The following ATP9A variants were observed in gnomAD, a reference collection of about 807,000 sequenced individuals.
The protein encoded by ATP9A is ATPase phospholipid transporting 9A, also known as probable phospholipid-transporting ATPase IIA.
Under a neutral mutation model 144.1 loss-of-function variants are expected in ATP9A, and 52 were observed. The observed-to-expected ratio is 0.36, with a 90% CI of 0.29 to 0.45. The LOEUF is 0.45. ATP9A is among the 20% of genes least tolerant of loss of function. ATP9A has a pLI of 1.00. For missense variants in ATP9A, 947 were observed against 1,392.7 expected (o/e 0.68, Z 5.09); for synonymous variants, 582 against 557.4 (o/e 1.04, Z -0.62).
intron 8 of ATP9A, 127 bp from the exon 9 acceptor site, chr20:51,689,266 G>A: frequency 1.2e-6 from 1 of 842,098 alleles, no homozygotes; most frequent in Non-Finnish European, 1.8e-6. Flanking sequence ...AGCCCAGTTT[G>A]GAAGCCGACG....
intron 14 of ATP9A, among the ~76,000 whole-genome samples, chr20:51,643,773 C>T (rs2077330279): frequency 6.6e-6 from 1 of 152,146 alleles, no homozygotes; most frequent in African/African-American, 2.4e-5. Flanking sequence ...TTCAATATAG[C>T]CCTGTTTTGT....
chr20:51,701,880 A>G (rs1282944629), intron 4 of ATP9A, among the ~76,000 whole-genome samples: 4 of 152,162 alleles, frequency 2.6e-5, no homozygotes, highest in African/African-American at 9.6e-5. Context: ...AAAAACACGT[A>G]GTTTGGCTGG....
chr20:51,653,711 C>T (rs572585364), intron 14 of ATP9A, among the ~76,000 whole-genome samples: 12 of 151,910 alleles, frequency 7.9e-5, no homozygotes, highest in African/African-American at 1.2e-4. Flanking sequence ...CGCTTGAACC[C>T]GGAAGGTGGA....
chr20:51,643,193 C>T (rs772465050), intron 14 of ATP9A, among the ~76,000 whole-genome samples: 4 of 152,174 alleles, frequency 2.6e-5, no homozygotes, highest in Non-Finnish European at 5.9e-5. Flanking sequence ...CCAGCACTAA[C>T]GAGCTTTGAG....
intron 4 of ATP9A, among the ~76,000 whole-genome samples, 155 bp downstream of exon 4, chr20:51,712,811 C>G (rs1337697798): frequency 2.0e-5 from 3 of 152,230 alleles, no homozygotes; most frequent in African/African-American, 7.2e-5. Flanking sequence ...TCATCCAGGG[C>G]AGATGGAGGC....
chr20:51,649,298 G>C (rs1031132337), intron 14 of ATP9A, among the ~76,000 whole-genome samples: 1 of 152,128 alleles, frequency 6.6e-6, no homozygotes, highest in African/African-American at 2.4e-5. Flanking sequence ...GGAGGAAAGT[G>C]GTATTGTGGG....
chr20:51,705,608 G>T (rs941253828), intron 4 of ATP9A, among the ~76,000 whole-genome samples: 2 of 152,136 alleles, frequency 1.3e-5, no homozygotes, highest in Non-Finnish European at 2.9e-5. Flanking sequence ...CTAATTGTCC[G>T]CTTGCTTCAT....
In ATP9A at chr20:51,611,689, C is replaced by G. The variant is rs1200038962; in HGVS notation, c.2572-1524G>C. Reference sequence around the variant, plus strand: ...TTTTGAAGAAGTCAGCTCATCCCGGCCAGCTTTTGTGTATGAGTCCAAGGA... The same window carrying G: ...TTTTGAAGAAGTCAGCTCATCCCGGGCAGCTTTTGTGTATGAGTCCAAGGA... On this transcript the variant is annotated intron_variant, in intron 23 of 27. Coordinates refer to ENST00000338821, the MANE Select transcript of ATP9A (RefSeq NM_006045.3). The surrounding 1 kb of genome is among the most constrained non-coding windows in gnomAD (Gnocchi z 4.2). 6.6e-6 allele frequency among the ~76,000 whole-genome samples: 1 copy of G among 152,288 alleles called. No individual in the cohort carries two copies. Among genetic ancestry groups the G allele is most frequent in the East Asian group, 1.9e-4 (1 of 5,184 alleles).
chr20:51,697,503 G>A (rs1189538836), intron 4 of ATP9A, 21 bp from the exon 5 acceptor site: 2 of 1,611,170 alleles, frequency 1.2e-6, no homozygotes, highest in Non-Finnish European at 1.7e-6. Context: ...GCAGGTTCAA[G>A]ATACATCACC....
rs184177140 is a variant in ATP9A at position 51,686,175 on chromosome 20, T to C, written c.799+2889A>G. ...GGTGGGAAATGAACAGTAAGAACAC[T>C]TGGACACAGGGTGGGGAACATCACA... On this transcript the variant is annotated intron_variant, in intron 9 of 27. Coordinates refer to ENST00000338821, the MANE Select transcript of ATP9A (RefSeq NM_006045.3). Among the ~76,000 whole-genome samples the C allele has an allele frequency of 3.6e-4, 54 of 152,028 alleles. No individual in the cohort carries two copies. In the East Asian group the frequency reaches 9.5e-3, roughly 27 times the overall value.
chr20:51,621,558 T>A (rs539111713), intron 19 of ATP9A, among the ~76,000 whole-genome samples: 113 of 152,310 alleles, frequency 7.4e-4, no homozygotes, highest in African/African-American at 2.5e-3. Context: ...TTGGTCAATG[T>A]CTGCCACAAG....
intron 5 of ATP9A, 46 bp from the exon 6 acceptor site, chr20:51,696,190 T>C (rs746642947): frequency 6.3e-7 from 1 of 1,592,302 alleles, no homozygotes; most frequent in South Asian, 1.1e-5. Context: ...AATGACCGTG[T>C]GCTGTGCGGT....
chr20:51,614,798 CA>C (rs2077196852), intron 22 of ATP9A, among the ~76,000 whole-genome samples: 1 of 152,036 alleles, frequency 6.6e-6, no homozygotes, highest in East Asian at 1.9e-4. Flanking sequence ...CTGAATGCTT[CA>C]AAAATGTCAC....
intron 18 of ATP9A, among the ~76,000 whole-genome samples, chr20:51,623,678 C>T (rs991074971): frequency 1.3e-5 from 2 of 151,460 alleles, no homozygotes; most frequent in Middle Eastern, 3.4e-3. Flanking sequence ...ATCCCAGCTA[C>T]TTGGGAGGCT....
intron 14 of ATP9A, among the ~76,000 whole-genome samples, chr20:51,650,439 C>G (rs898657500): frequency 6.6e-6 from 1 of 151,210 alleles, no homozygotes; most frequent in Non-Finnish European, 1.5e-5. Context: ...GAGGCCGAGG[C>G]AGGAGAATCA....
rs186349874 is a variant in ATP9A at position 51,617,239 on chromosome 20, C to T, written c.2415+251G>A. Reference sequence around the variant, plus strand: ...GGATTACAGGCGTGAGCCACCACACCGGGCCTAGAAACACTTTTTCTTTTT... The same window carrying T: ...GGATTACAGGCGTGAGCCACCACACTGGGCCTAGAAACACTTTTTCTTTTT... On this transcript the variant is annotated intron_variant, in intron 22 of 27. Coordinates refer to ENST00000338821, the MANE Select transcript of ATP9A (RefSeq NM_006045.3). Among the ~76,000 whole-genome samples the T allele has an allele frequency of 3.4e-4, 52 of 151,796 alleles. No individual in the cohort carries two copies. In the East Asian group the frequency reaches 7.0e-3, roughly 21 times the overall value.
At chr20:51,731,003 C>T (rs2077738581) in intron 1 of ATP9A, among the ~76,000 whole-genome samples, 1 of 151,530 alleles carries the variant, frequency 6.6e-6, no homozygotes, top group Non-Finnish European at 1.5e-5. Flanking sequence ...ACTCTCATCT[C>T]TATTAAAAAT....
At chr20:51,685,343 G>A (rs1161029742) in intron 9 of ATP9A, among the ~76,000 whole-genome samples, 1 of 152,142 alleles carries the variant, frequency 6.6e-6, no homozygotes, top group African/African-American at 2.4e-5. Flanking sequence ...GGTGGATCAT[G>A]AGGTCAGGAG....
At chr20:51,674,853 C>T (rs1185013564) in intron 10 of ATP9A, among the ~76,000 whole-genome samples, 2 of 152,118 alleles carry the variant, frequency 1.3e-5, no homozygotes, top group African/African-American at 4.8e-5. Context: ...GATGGAGTCT[C>T]GCTTTGTCAC....
Sources: gnomAD v4.1 joint callset for allele counts (sites outside exome capture counted in the v4.1 genomes callset) on GRCh38, gnomAD v4.1.1 for gene constraint, Gnocchi (gnomAD v3.1) non-coding constraint, MANE v1.5 for transcripts, NCBI Gene and HGNC (gene_info 2026-07-23, HGNC 2026-07-21) for gene names.